Variants in TMPRSS13 observed in about 807,000 individuals in gnomAD.
The protein encoded by TMPRSS13 is transmembrane protease serine 13.
A neutral mutation model predicts 68.4 loss-of-function variants in TMPRSS13; 50 were observed. That is an observed-to-expected ratio of 0.73 (90% CI 0.58 to 0.93). The LOEUF is 0.93. TMPRSS13 is among the 40% of genes least tolerant of loss of function. TMPRSS13 has a pLI of 0.00. For synonymous variants in TMPRSS13, 267 were observed against 285.8 expected (o/e 0.93, Z 0.66); for missense variants, 615 against 729.2 (o/e 0.84, Z 1.80).
chr11:117,913,771 G>A lies in TMPRSS13; in HGVS notation c.809+6C>T. 6.2e-7 allele frequency: 1 copy of A among 1,613,804 alleles called. No individual in the cohort carries two copies. Among genetic ancestry groups the A allele is most frequent in the South Asian group, 1.1e-5 (1 of 91,056 alleles). On this transcript the variant is annotated splice_donor_region_variant and intron_variant, in intron 5 of 12. Coordinates refer to ENST00000524993, the MANE Select transcript of TMPRSS13 (RefSeq NM_001077263.3). ...GCCTGGACTCTGGGGCCAGGTTGGG[G>A]GTTACCTCTCGAAACCCAGCTGCTG... is the stretch of plus-strand genomic sequence containing the variant.
At chr11:117,902,941 G>A in intron 12 of TMPRSS13, 1 of 1,008,048 alleles carries the variant, frequency 9.9e-7, no homozygotes, top group Non-Finnish European at 1.2e-6. Context: ...CAAAGGCCAA[G>A]GGCAAGGTAA....
intron 9 of TMPRSS13, among the ~76,000 whole-genome samples, chr11:117,906,651 G>A (rs1450637079): frequency 1.3e-5 from 2 of 152,166 alleles, no homozygotes; most frequent in Admixed American, 6.5e-5. Flanking sequence ...CCTCACTTTT[G>A]TCTGCTAGAG....
chr11:117,916,368 C>T (rs2057578295), intron 3 of TMPRSS13, among the ~76,000 whole-genome samples: 1 of 152,198 alleles, frequency 6.6e-6, no homozygotes. Flanking sequence ...GCTGTCCCAC[C>T]TTCCAGGTCT....
chr11:117,914,397 C>T lies in TMPRSS13; in HGVS notation c.674G>A (p.Gly225Asp), dbSNP rs1224524507. ...VDCKLKSDEL[G>D]CVRFDWDKSL... The stretch of plus-strand genomic sequence containing the variant: ...CCCGCACCCAGCCTCCTTACCGCAG[C>T]CCAGCTCGTCACTCTTCAGCTTGCA... The change falls in exon 4 of 13, where the codon GGC (glycine) becomes GAC (aspartate). Residue 225 changes from glycine (G) to aspartate (D), a missense_variant. Transcript: ENST00000524993. This position sits in a 1 kb window ranked among gnomAD's most constrained non-coding sequence, Gnocchi z 4.2. 1 of 1,613,678 alleles carries T rather than the reference C, an allele frequency of 6.2e-7. No homozygotes were observed. The highest frequency in any genetic ancestry group is 8.5e-7 in the Non-Finnish European group (1 of 1,180,006).
chr11:117,920,640 C>T (rs993049953), intron 1 of TMPRSS13, among the ~76,000 whole-genome samples: 3 of 152,242 alleles, frequency 2.0e-5, no homozygotes, highest in African/African-American at 7.2e-5. Flanking sequence ...ATGCACCCGC[C>T]ACCACACCCG....
intron 5 of TMPRSS13, 85 bp downstream of exon 5, chr11:117,913,692 A>C: frequency 6.5e-7 from 1 of 1,532,052 alleles, no homozygotes; most frequent in East Asian, 2.3e-5. Flanking sequence ...TTTTAATATA[A>C]TGTTTCTGCA....
chr11:117,917,183 C>G lies in TMPRSS13; in HGVS notation c.543G>C (p.Ser181=). The change falls in exon 3 of 13, where the codon TCG becomes TCC. Residue 181 remains serine, a synonymous_variant. Coordinates refer to ENST00000524993, the MANE Select transcript of TMPRSS13 (RefSeq NM_001077263.3). ...CVLLLIALVV[S]LIILFQFWQG... ...CATTCAACTCACAGAGGATGATGAG[C>G]GAAACCACCAGGGCAATGAGGAGGA... 1 of 1,612,110 alleles carries G rather than the reference C, an allele frequency of 6.2e-7. No individual in the cohort carries two copies. Among genetic ancestry groups the G allele is most frequent in the Non-Finnish European group, 8.5e-7 (1 of 1,179,948 alleles).
At position 117,910,756 on chromosome 11, in the gene TMPRSS13, G is replaced by C; in HGVS notation, c.903-6C>G. ...GCTGGGAAGGGCATTCAGACCTGCA[G>C]GGGGAGACACAGAAAGTGGGAAAAG... On this transcript the variant is annotated splice_region_variant and splice_polypyrimidine_tract_variant and intron_variant, in intron 6 of 12. Transcript: ENST00000524993. 6.2e-6 allele frequency: 10 copies of C among 1,605,634 alleles called. No individual in the cohort carries two copies. The highest frequency in any genetic ancestry group is 8.5e-6 in the Non-Finnish European group (10 of 1,175,156).
intron 12 of TMPRSS13, chr11:117,903,061 T>C: frequency 2.8e-6 from 3 of 1,074,168 alleles, no homozygotes; most frequent in Non-Finnish European, 3.4e-6. Context: ...ATTATTTTAT[T>C]ACTTTATACT....
Position 117,903,735 on chromosome 11 carries a change from T to C in TMPRSS13, c.1597A>G (p.Thr533Ala). ...GGTTTGTTTCTCTGGCCACAGCCTGTGCCCCAGCTGGTGACACCTGCCAGG... is the reference window on the plus strand; with the variant it reads ...GGTTTGTTTCTCTGGCCACAGCCTGCGCCCCAGCTGGTGACACCTGCCAGG... ...WYLAGVTSWG[T>A]GCGQRNKPGV... Residue 533 changes from threonine (T) to alanine (A), a missense_variant, in exon 12 of 13, where the codon ACA (threonine) becomes GCA (alanine). Transcript: ENST00000524993. 6.2e-7 allele frequency: 1 copy of C among 1,613,480 alleles called. No homozygotes were observed. The highest frequency in any genetic ancestry group is 1.3e-5 in the African/African-American group (1 of 75,048).
At chr11:117,903,541 C>G (rs374280624) in intron 12 of TMPRSS13, 114 bp downstream of exon 12, 2 of 1,570,826 alleles carry the variant, frequency 1.3e-6, no homozygotes, top group African/African-American at 1.3e-5. Context: ...GAACACCCCC[C>G]GAATATGGGG....
At chr11:117,920,736 G>A (rs2057636738) in intron 1 of TMPRSS13, among the ~76,000 whole-genome samples, 2 of 152,098 alleles carry the variant, frequency 1.3e-5, no homozygotes, top group African/African-American at 2.4e-5. Flanking sequence ...TGATCCACCC[G>A]CCTCAGCCTC....
chr11:117,919,549 T>A (rs867635361), intron 1 of TMPRSS13, among the ~76,000 whole-genome samples: 6 of 152,234 alleles, frequency 3.9e-5, no homozygotes, highest in Non-Finnish European at 8.8e-5. Flanking sequence ...TGTGGCACCT[T>A]CACCAGCCTG....
Position 117,917,214 on chromosome 11 carries a change from C to T in TMPRSS13, c.512G>A (p.Cys171Tyr). The change falls in exon 3 of 13, where the codon TGC becomes TAC. Residue 171 changes from cysteine to tyrosine, a missense_variant. Physicochemically the swap from Cys to Tyr is radical, Grantham distance 194. Transcript: ENST00000524993. ...CACCAGGGCAATGAGGAGGAGCACG[C>T]ACCCGATGAGCGGTAGCTGCTTCTG... ...EGQKQLPLIGCVLLLIALVVS... is the reference protein window; with the variant it reads ...EGQKQLPLIGYVLLLIALVVS... 6.2e-7 allele frequency: 1 copy of T among 1,613,090 alleles called. No individual in the cohort carries two copies. Among genetic ancestry groups the T allele is most frequent in the Non-Finnish European group, 8.5e-7 (1 of 1,180,028 alleles).
At chr11:117,917,323 A>G (rs1271651676) in intron 2 of TMPRSS13, 49 bp from the exon 3 acceptor site, 11 of 1,453,298 alleles carry the variant, frequency 7.6e-6, no homozygotes, top group African/African-American at 1.4e-5. Context: ...GAGGAGTCCG[A>G]CGAGATGGAG....
At position 117,929,281 on chromosome 11, in the gene TMPRSS13, A is replaced by G. The variant is rs761063256; in HGVS notation, c.21+6T>C. On this transcript the variant is annotated splice_donor_region_variant and intron_variant, in intron 1 of 12. Coordinates refer to ENST00000524993, the MANE Select transcript of TMPRSS13 (RefSeq NM_001077263.3). ...AATCTGGCCCGAGGCCTGAGGTCAC[A>G]CTCACCCCGTGGCTGTCCCTCTCCA... The G allele has an allele frequency of 4.4e-6, 7 of 1,603,614 alleles. No individual in the cohort carries two copies. Among genetic ancestry groups the G allele is most frequent in the East Asian group, 4.6e-5 (2 of 43,742 alleles).
rs963863267 is a variant in TMPRSS13, at chr11:117,922,647, A to G, written c.22-3809T>C. ...CTCAGAAGTGGAAGTGAAATGACCA[A>G]CTCCTTGATGTGTCCTGGTGTCTCC... On this transcript the variant is annotated intron_variant, in intron 1 of 12. Transcript: ENST00000524993. The surrounding 1 kb of genome is among the most constrained non-coding windows in gnomAD (Gnocchi z 4.2). Among the ~76,000 whole-genome samples, 19 of 151,900 alleles carry G rather than the reference A, an allele frequency of 1.3e-4. No homozygotes were observed. The highest frequency in any genetic ancestry group is 4.2e-4 in the South Asian group (2 of 4,816).
intron 1 of TMPRSS13, among the ~76,000 whole-genome samples, chr11:117,920,181 A>G (rs2057628910): frequency 1.3e-5 from 2 of 152,190 alleles, no homozygotes; most frequent in African/African-American, 4.8e-5. Context: ...CGCCCCAGGC[A>G]AGTGACTTCA....
At chr11:117,902,369 C>T in intron 12 of TMPRSS13, 104 bp from the exon 13 acceptor site, 1 of 1,202,204 alleles carries the variant, frequency 8.3e-7, no homozygotes, top group Non-Finnish European at 1.2e-6. Flanking sequence ...CTCGCTGTCA[C>T]CTAGCACTGC....
Sources: gnomAD v4.1 joint callset for allele counts (sites outside exome capture counted in the v4.1 genomes callset) on GRCh38, gnomAD v4.1.1 for gene constraint, Gnocchi (gnomAD v3.1) non-coding constraint, MANE v1.5 for transcripts, NCBI Gene and HGNC (gene_info 2026-07-23, HGNC 2026-07-21) for gene names.